The following MBNL3 variants were observed in gnomAD, a reference collection of about 807,000 sequenced individuals.
MBNL3 encodes muscleblind like splicing regulator 3.
Under a neutral mutation model 24.5 loss-of-function variants are expected in MBNL3, and 6 were observed. The observed-to-expected ratio is 0.25, with a 90% CI of 0.13 to 0.48. The LOEUF (loss-of-function observed/expected upper bound fraction) is 0.48. MBNL3 is among the 20% of genes least tolerant of loss of function. MBNL3 has a pLI of 0.99. For missense variants in MBNL3, 230 were observed against 293.5 expected (o/e 0.78, Z 1.58); for synonymous variants, 100 against 101.7 (o/e 0.98, Z 0.10).
At chrX:132,381,386 G>A in intron 8 of MBNL3, 1 of 1,179,339 alleles carries the variant, frequency 8.5e-7, no homozygotes, top group Non-Finnish European at 1.1e-6. Flanking sequence ...CTACATCTGT[G>A]AAACAAACAT....
chrX:132,412,227 G>C, intron 2 of MBNL3, among the ~76,000 whole-genome samples: 1 of 111,406 alleles, frequency 9.0e-6, no homozygotes, highest in East Asian at 2.8e-4. Context: ...ATTCCAAGGG[G>C]TCTCTGGCCA....
intron 2 of MBNL3, among the ~76,000 whole-genome samples, 186 bp downstream of exon 2, chrX:132,439,249 A>C (rs1483066781): frequency 8.9e-6 from 1 of 111,977 alleles, no homozygotes; most frequent in Admixed American, 9.5e-5. Context: ...ACAAAGACTT[A>C]AGACATTTTG....
intron 2 of MBNL3, among the ~76,000 whole-genome samples, chrX:132,423,528 A>G (rs924487129): frequency 8.9e-6 from 1 of 111,846 alleles, no homozygotes; most frequent in African/African-American, 3.3e-5. Context: ...TGCTGACCAC[A>G]GCATTTCAGC....
intron 3 of MBNL3, among the ~76,000 whole-genome samples, chrX:132,402,133 C>T (rs1375575799): frequency 2.7e-5 from 3 of 111,536 alleles, no homozygotes; most frequent in Non-Finnish European, 3.8e-5. Flanking sequence ...CATCCCAATG[C>T]AACCTCAAAT....
intron 2 of MBNL3, among the ~76,000 whole-genome samples, chrX:132,424,553 A>G (rs2072657680): frequency 8.9e-6 from 1 of 112,140 alleles, no homozygotes; most frequent in Admixed American, 9.5e-5. Context: ...AAAATATGCG[A>G]TAAAAATGGC....
intron 1 of MBNL3, among the ~76,000 whole-genome samples, chrX:132,482,485 G>A (rs952729225): frequency 1.7e-4 from 19 of 110,958 alleles, no homozygotes; most frequent in African/African-American, 5.6e-4. Flanking sequence ...CTTCTATGGC[G>A]AGCGGGACCT....
intron 3 of MBNL3, among the ~76,000 whole-genome samples, chrX:132,400,047 A>C (rs1940597600): frequency 9.0e-6 from 1 of 110,696 alleles, no homozygotes; most frequent in South Asian, 3.8e-4. Context: ...GAATATATAA[A>C]GGATGATAAA....
intron 1 of MBNL3, among the ~76,000 whole-genome samples, chrX:132,442,636 A>G (rs1471610076): frequency 8.8e-6 from 1 of 113,106 alleles, no homozygotes; most frequent in Non-Finnish European, 1.9e-5. Flanking sequence ...CATCAAGTAT[A>G]GAAACATAAT....
At chrX:132,434,013 C>T (rs766242988) in intron 2 of MBNL3, among the ~76,000 whole-genome samples, 3 of 112,506 alleles carry the variant, frequency 2.7e-5, no homozygotes, top group South Asian at 7.4e-4. Context: ...ATTCTCTGCA[C>T]CCTTTCCTCA....
At chrX:132,419,175 C>T (rs1943568052) in intron 2 of MBNL3, among the ~76,000 whole-genome samples, 1 of 112,405 alleles carries the variant, frequency 8.9e-6, no homozygotes, top group Non-Finnish European at 1.9e-5. Context: ...TAAATGTTTG[C>T]ACAGTAGCAT....
At chrX:132,397,598 G>T (rs752559857) in intron 3 of MBNL3, among the ~76,000 whole-genome samples, 7 of 111,200 alleles carry the variant, frequency 6.3e-5, no homozygotes, top group Non-Finnish European at 1.1e-4. Flanking sequence ...TTTAATACAA[G>T]AAAAATAGCA....
intron 1 of MBNL3, among the ~76,000 whole-genome samples, chrX:132,441,435 C>T (rs147220244): frequency 2.2e-3 from 252 of 112,365 alleles, no homozygotes; most frequent in African/African-American, 7.6e-3. Context: ...AGATGCAGAG[C>T]TTTCTTGCAG....
At position 132,378,939 on chromosome X, in the gene MBNL3, C is replaced by T. The variant is rs1934400084; in HGVS notation, c.*727G>A. On this transcript the variant is annotated 3_prime_UTR_variant, in exon 9 of 9. Transcript: ENST00000370853. Reference sequence around the variant, plus strand: ...TTGATTGTATTATGCAACATCAGATCTGCAGGTACAAATTATACACATGCA... The same window carrying T: ...TTGATTGTATTATGCAACATCAGATTTGCAGGTACAAATTATACACATGCA... 1.8e-5 allele frequency: 2 copies of T among 111,813 alleles called. No individual in the cohort carries two copies. The highest frequency in any genetic ancestry group is 6.5e-5 in the African/African-American group (2 of 30,774). The allele number at this position is 111,813 out of a possible 1,213,427, so 9.2% of individuals were successfully genotyped here.
At chrX:132,465,006 T>C (rs1045676073) in intron 1 of MBNL3, among the ~76,000 whole-genome samples, 4 of 111,780 alleles carry the variant, frequency 3.6e-5, no homozygotes, top group Non-Finnish European at 5.6e-5. Context: ...GATTGCTCCA[T>C]TGCACTACAG....
At chrX:132,396,477 C>CATATATATTCAT (rs1938537267) in intron 3 of MBNL3, among the ~76,000 whole-genome samples, 1 of 63,254 alleles carries the variant, frequency 1.6e-5, no homozygotes, top group Non-Finnish European at 2.8e-5. Context: ...TATATATATT[C>CATATATATTCAT]ATATATATTC....
At chrX:132,410,480 A>T (rs1278457463) in intron 2 of MBNL3, among the ~76,000 whole-genome samples, 1 of 110,267 alleles carries the variant, frequency 9.1e-6, no homozygotes, top group Non-Finnish European at 1.9e-5. Context: ...ATACATACAG[A>T]GTTAGAGAGA....
At chrX:132,477,732 AT>A (rs753291937) in intron 1 of MBNL3, among the ~76,000 whole-genome samples, 3 of 111,967 alleles carry the variant, frequency 2.7e-5, no homozygotes, top group African/African-American at 9.7e-5. Context: ...TTATCTGTTC[AT>A]GTGAGTGAAT....
At chrX:132,454,098 A>G (rs1457539325) in intron 1 of MBNL3, among the ~76,000 whole-genome samples, 2 of 111,099 alleles carry the variant, frequency 1.8e-5, no homozygotes, top group East Asian at 2.8e-4. Context: ...TCTCAAAAAG[A>G]AAAAGAAAAA....
intron 2 of MBNL3, among the ~76,000 whole-genome samples, chrX:132,407,210 A>G (rs911853961): frequency 2.7e-5 from 3 of 112,193 alleles, no homozygotes; most frequent in African/African-American, 9.7e-5. Flanking sequence ...AAATATTCCT[A>G]TAATTTCACT....
Sources: allele counts gnomAD v4.1 joint callset (sites outside exome capture counted in the v4.1 genomes callset), GRCh38; gene constraint gnomAD v4.1.1; transcripts MANE v1.5; gene names NCBI Gene and HGNC (gene_info 2026-07-23, HGNC 2026-07-21).